CARMIL1: variants seen among roughly 807,000 people sequenced by gnomAD.
CARMIL1 encodes F-actin-uncapping protein LRRC16A.
In CARMIL1, 90 loss-of-function variants were observed where a neutral mutation model predicts 177.1. That is an observed-to-expected ratio of 0.51 (90% confidence interval 0.43 to 0.61). CARMIL1 has a LOEUF of 0.61. Among genes scored for constraint, CARMIL1 ranks in the 20% least tolerant of loss-of-function variants. The pLI, the probability that CARMIL1 is intolerant of heterozygous loss-of-function variation, is 0.00. For synonymous variants in CARMIL1, 577 were observed against 606.2 expected (o/e 0.95, Z 0.71); for missense variants, 1,380 against 1,667.0 (o/e 0.83, Z 3.00).
chr6:25,593,460 G>T (rs1476963461), intron 31 of CARMIL1, among the ~76,000 whole-genome samples: 1 of 152,092 alleles, frequency 6.6e-6, no homozygotes, highest in African/African-American at 2.4e-5. Flanking sequence ...TTCCTTATGG[G>T]TTATTGTATT....
chr6:25,546,040 G>A (rs1809425030), intron 26 of CARMIL1, among the ~76,000 whole-genome samples: 1 of 152,138 alleles, frequency 6.6e-6, no homozygotes, highest in Non-Finnish European at 1.5e-5. Context: ...GTTTCAGAGA[G>A]GGGTGAAACA....
At chr6:25,588,443 C>T (rs1246157602) in intron 31 of CARMIL1, among the ~76,000 whole-genome samples, 1 of 152,108 alleles carries the variant, frequency 6.6e-6, no homozygotes. Context: ...ATGCATTCAG[C>T]TGGAGGATGA....
chr6:25,306,180 T>G (rs1048705617), intron 2 of CARMIL1, among the ~76,000 whole-genome samples: 7 of 152,068 alleles, frequency 4.6e-5, no homozygotes, highest in African/African-American at 1.7e-4. Flanking sequence ...ATAAATCAAT[T>G]ATATAATACG....
At chr6:25,547,284 A>C (rs911977965) in intron 26 of CARMIL1, among the ~76,000 whole-genome samples, 6 of 152,202 alleles carry the variant, frequency 3.9e-5, no homozygotes, top group African/African-American at 1.4e-4. Context: ...TAGACATTCC[A>C]ATAGGTTTTT....
chr6:25,325,498 A>G (rs571674427), intron 2 of CARMIL1, among the ~76,000 whole-genome samples: 1 of 152,272 alleles, frequency 6.6e-6, no homozygotes, highest in South Asian at 2.1e-4. Flanking sequence ...CAGTTTTCAT[A>G]TGGTACTGTT....
At chr6:25,319,565 T>C (rs1432778800) in intron 2 of CARMIL1, among the ~76,000 whole-genome samples, 1 of 151,954 alleles carries the variant, frequency 6.6e-6, no homozygotes, top group Non-Finnish European at 1.5e-5. Flanking sequence ...GAGTTATATG[T>C]TTTTTAGTCT....
intron 17 of CARMIL1, among the ~76,000 whole-genome samples, chr6:25,501,389 C>T (rs1804321002): frequency 6.6e-6 from 1 of 152,124 alleles, no homozygotes; most frequent in African/African-American, 2.4e-5. Flanking sequence ...GCTATGCAAT[C>T]CTGGATGAAT....
intron 17 of CARMIL1, among the ~76,000 whole-genome samples, chr6:25,500,669 A>G (rs1804218058): frequency 1.3e-5 from 2 of 152,230 alleles, no homozygotes; most frequent in Non-Finnish European, 2.9e-5. Context: ...ATTTAAAACA[A>G]GAAAATTAAC....
intron 2 of CARMIL1, among the ~76,000 whole-genome samples, chr6:25,291,127 A>G (rs917378430): frequency 2.6e-5 from 4 of 152,260 alleles, no homozygotes; most frequent in South Asian, 2.1e-4. Context: ...TCCCTTTAAC[A>G]TATTTTTTTC....
intron 2 of CARMIL1, among the ~76,000 whole-genome samples, chr6:25,292,671 A>G (rs981354161): frequency 6.6e-6 from 1 of 152,164 alleles, no homozygotes; most frequent in African/African-American, 2.4e-5. Context: ...ACCTTAGGCA[A>G]AGAAGCTGTT....
chr6:25,600,389 G>T lies in CARMIL1; in HGVS notation c.3195G>T (p.Arg1065=), dbSNP rs1267233953. 1 of 1,613,852 alleles carries T rather than the reference G, an allele frequency of 6.2e-7. No individual in the cohort carries two copies. The highest frequency in any genetic ancestry group is 8.5e-7 in the Non-Finnish European group (1 of 1,179,898). ...ATGAAAAGAAAAAGCGAGATTCTCG[G>T]AAAAGTAGTGGCTTTCTCAATTTAA... The part of the protein sequence containing the change: ...GGDEKKKRDS[R]KSSGFLNLIK... Residue 1065 remains arginine (R), a synonymous_variant, in exon 33 of 37, where the codon CGG becomes CGT. Coordinates refer to ENST00000329474, the MANE Select transcript of CARMIL1 (RefSeq NM_017640.6).
rs891204718 is a variant in CARMIL1 at position 25,554,915 on chromosome 6, T to G, written c.2592+819T>G. Among the ~76,000 whole-genome samples the G allele has an allele frequency of 3.3e-5, 5 of 152,184 alleles. No individual in the cohort carries two copies. Among genetic ancestry groups the G allele is most frequent in the African/African-American group, 4.8e-5 (2 of 41,456 alleles). On this transcript the variant is annotated intron_variant, in intron 28 of 36. Transcript: ENST00000329474. The surrounding 1 kb of genome is among the most constrained non-coding windows in gnomAD (Gnocchi z 4.6). ...TAAAATGAGAGGAGCAGCAATAGCT[T>G]CTTCTGCGTGAAACAGACAAAATGC...
At chr6:25,468,323 A>G (rs1323376732) in intron 9 of CARMIL1, among the ~76,000 whole-genome samples, 2 of 152,148 alleles carry the variant, frequency 1.3e-5, no homozygotes, top group Non-Finnish European at 2.9e-5. Flanking sequence ...CAATTCAGGC[A>G]AATTGGTGAG....
At chr6:25,296,924 TC>T (rs1782418462) in intron 2 of CARMIL1, among the ~76,000 whole-genome samples, 6 of 64,430 alleles carry the variant, frequency 9.3e-5, no homozygotes, top group Non-Finnish European at 2.0e-4. Context: ...TATCTATCTA[TC>T]TATCTATCTT....
chr6:25,556,490 T>G (rs1810612956), intron 28 of CARMIL1, among the ~76,000 whole-genome samples: 1 of 152,174 alleles, frequency 6.6e-6, no homozygotes, highest in Non-Finnish European at 1.5e-5. Context: ...ACTAAGAGAT[T>G]TATAACTTAT....
At chr6:25,478,702 A>C (rs1225213669) in intron 11 of CARMIL1, among the ~76,000 whole-genome samples, 1 of 152,056 alleles carries the variant, frequency 6.6e-6, no homozygotes, top group Non-Finnish European at 1.5e-5. Context: ...AGGCTGAGGC[A>C]GGAGATTCCC....
At chr6:25,566,550 G>T (rs1257191468) in intron 29 of CARMIL1, among the ~76,000 whole-genome samples, 1 of 152,214 alleles carries the variant, frequency 6.6e-6, no homozygotes, top group African/African-American at 2.4e-5. Context: ...AGCCAAAGAA[G>T]CCTTCCAGTC....
intron 32 of CARMIL1, among the ~76,000 whole-genome samples, chr6:25,595,107 C>A (rs1814696839): frequency 6.6e-6 from 1 of 152,232 alleles, no homozygotes; most frequent in Admixed American, 6.5e-5. Context: ...GCTACTGAGA[C>A]AGTTCCCTTA....
At chr6:25,422,423 G>A (rs1269266217) in intron 3 of CARMIL1, among the ~76,000 whole-genome samples, 3 of 152,140 alleles carry the variant, frequency 2.0e-5, no homozygotes, top group African/African-American at 7.2e-5. Flanking sequence ...AGATGCCAAT[G>A]CAATGTTTGC....
Sources: allele counts gnomAD v4.1 joint callset (sites outside exome capture counted in the v4.1 genomes callset), GRCh38; gene constraint gnomAD v4.1.1; non-coding constraint Gnocchi (gnomAD v3.1); transcripts MANE v1.5; gene names NCBI Gene and HGNC (gene_info 2026-07-23, HGNC 2026-07-21).